Variants in PDZRN4 observed in about 807,000 individuals in gnomAD.
PDZRN4 encodes the protein PDZ domain containing ring finger 4, also known as PDZ domain-containing RING finger protein 4.
Under a neutral mutation model 99.0 loss-of-function variants are expected in PDZRN4, and 70 were observed. That is an observed-to-expected ratio of 0.71 (90% CI 0.58 to 0.86). PDZRN4 has a LOEUF of 0.86. Among genes scored for constraint, PDZRN4 ranks in the 40% least tolerant of loss-of-function variants. PDZRN4 has a pLI of 0.00. For synonymous variants in PDZRN4, 551 were observed against 501.6 expected (o/e 1.10, Z -1.32); for missense variants, 1,474 against 1,331.2 (o/e 1.11, Z -1.67).
intron 3 of PDZRN4, among the ~76,000 whole-genome samples, chr12:41,410,641 A>G (rs191475934): frequency 6.6e-6 from 1 of 152,268 alleles, no homozygotes; most frequent in Admixed American, 6.5e-5. Context: ...CAGGAGGAAG[A>G]ATGCTGCATT....
At chr12:41,280,851 G>A (rs1012894141) in intron 3 of PDZRN4, among the ~76,000 whole-genome samples, 1 of 152,178 alleles carries the variant, frequency 6.6e-6, no homozygotes, top group Non-Finnish European at 1.5e-5. Context: ...CCAGCACAGC[G>A]TTCCAGCTCT....
chr12:41,466,161 T>G (rs1952923086), intron 3 of PDZRN4, among the ~76,000 whole-genome samples: 1 of 152,136 alleles, frequency 6.6e-6, no homozygotes, highest in Admixed American at 6.6e-5. Context: ...CTGCCTATTG[T>G]GTAGGGAATC....
intron 3 of PDZRN4, among the ~76,000 whole-genome samples, chr12:41,401,558 C>T (rs564342162): frequency 3.2e-4 from 49 of 152,210 alleles, no homozygotes; most frequent in African/African-American, 1.0e-3. Context: ...CCTTTTTCAC[C>T]GATCCAGACT....
chr12:41,372,160 T>C (rs992673615), intron 3 of PDZRN4, among the ~76,000 whole-genome samples: 1 of 152,104 alleles, frequency 6.6e-6, no homozygotes, highest in African/African-American at 2.4e-5. Flanking sequence ...AAAAGAAAGA[T>C]AAGATCCTTC....
chr12:41,493,156 C>T (rs1013158915), intron 3 of PDZRN4, among the ~76,000 whole-genome samples: 2 of 152,136 alleles, frequency 1.3e-5, no homozygotes, highest in Non-Finnish European at 2.9e-5. Flanking sequence ...TGCACTTAAA[C>T]TGAAGTTATC....
chr12:41,379,199 C>A (rs1173024913), intron 3 of PDZRN4, among the ~76,000 whole-genome samples: 1 of 146,220 alleles, frequency 6.8e-6, no homozygotes, highest in Admixed American at 6.8e-5. Context: ...TCAGTTATAT[C>A]TCCTCTTTCA....
At chr12:41,520,063 T>C (rs1330501295) in intron 5 of PDZRN4, among the ~76,000 whole-genome samples, 1 of 152,162 alleles carries the variant, frequency 6.6e-6, no homozygotes, top group African/African-American at 2.4e-5. Flanking sequence ...CTTGCTTTCC[T>C]CTGCCTAGAA....
intron 3 of PDZRN4, among the ~76,000 whole-genome samples, chr12:41,330,552 C>T (rs578086402): frequency 1.3e-5 from 2 of 150,342 alleles, no homozygotes; most frequent in East Asian, 3.9e-4. Flanking sequence ...TTCCATAAAG[C>T]TCATGAGAAA....
intron 3 of PDZRN4, among the ~76,000 whole-genome samples, chr12:41,504,626 G>A (rs1040340733): frequency 3.9e-5 from 6 of 152,146 alleles, no homozygotes; most frequent in African/African-American, 1.4e-4. Context: ...CCTCAGGGGA[G>A]ACAGTAGTGG....
At chr12:41,306,084 TAAC>T (rs1348510499) in intron 3 of PDZRN4, among the ~76,000 whole-genome samples, 1 of 152,144 alleles carries the variant, frequency 6.6e-6, no homozygotes, top group African/African-American at 2.4e-5. Context: ...ACCTGAAACT[TAAC>T]AAGGCAAATT....
intron 3 of PDZRN4, among the ~76,000 whole-genome samples, chr12:41,207,140 CTT>C (rs1371924937): frequency 6.6e-6 from 1 of 151,872 alleles, no homozygotes; most frequent in Non-Finnish European, 1.5e-5. Flanking sequence ...CTTACACAAA[CTT>C]TCACTTAGAG....
intron 3 of PDZRN4, among the ~76,000 whole-genome samples, chr12:41,351,366 T>C (rs1318476752): frequency 2.0e-5 from 3 of 152,020 alleles, no homozygotes; most frequent in African/African-American, 7.2e-5. Flanking sequence ...TTCAGACATA[T>C]AAATAGATGA....
At chr12:41,369,020 T>G (rs1027769532) in intron 3 of PDZRN4, among the ~76,000 whole-genome samples, 1 of 152,164 alleles carries the variant, frequency 6.6e-6, no homozygotes, top group Non-Finnish European at 1.5e-5. Flanking sequence ...CTTTTCTTGC[T>G]AAAAAGTACT....
intron 3 of PDZRN4, among the ~76,000 whole-genome samples, chr12:41,242,288 T>C (rs551688100): frequency 2.6e-5 from 4 of 152,302 alleles, no homozygotes; most frequent in South Asian, 4.1e-4. Context: ...AACAGTTGAT[T>C]GATATGCTAA....
At chr12:41,435,920 T>C (rs1952625015) in intron 3 of PDZRN4, among the ~76,000 whole-genome samples, 1 of 152,214 alleles carries the variant, frequency 6.6e-6, no homozygotes, top group South Asian at 2.1e-4. Context: ...AACTCTAGCA[T>C]GAGAATACTT....
In PDZRN4 at chr12:41,541,653, C is replaced by T. The variant is rs532983262; in HGVS notation, c.1204-11003C>T. On this transcript the variant is annotated intron_variant, in intron 5 of 9. Transcript: ENST00000402685. ...TATTTTTAGTAGAGACGGGGTTTCA[C>T]CGTGTTAGCCAGGATGGTCTTGACC... Among the ~76,000 whole-genome samples the T allele has an allele frequency of 3.3e-5, 5 of 152,042 alleles. No individual in the cohort carries two copies. In the South Asian group the frequency reaches 1.0e-3, roughly 32 times the overall value.
chr12:41,517,730 T>C lies in PDZRN4; in HGVS notation c.1203+7817T>C, dbSNP rs376456390. On this transcript the variant is annotated intron_variant, in intron 5 of 9. Coordinates refer to ENST00000402685, the MANE Select transcript of PDZRN4 (RefSeq NM_001164595.2). The stretch of plus-strand genomic sequence containing the variant: ...ATATAAGCAAAGTGAGACAAATTCA[T>C]GGTCAAATCCTTAAAAACTTTTACG... Among the ~76,000 whole-genome samples the C allele has an allele frequency of 2.7e-3, 406 of 152,228 alleles. 2 individuals are homozygous for C. Among genetic ancestry groups the C allele is most frequent in the African/African-American group, 9.3e-3 (387 of 41,556 alleles).
At chr12:41,484,045 G>A (rs1328944989) in intron 3 of PDZRN4, among the ~76,000 whole-genome samples, 1 of 152,110 alleles carries the variant, frequency 6.6e-6, no homozygotes, top group East Asian at 1.9e-4. Flanking sequence ...GAGTTTGTGT[G>A]TAAGATTCTA....
At chr12:41,308,211 C>T (rs1337571873) in intron 3 of PDZRN4, among the ~76,000 whole-genome samples, 1 of 151,836 alleles carries the variant, frequency 6.6e-6, no homozygotes, top group East Asian at 1.9e-4. Context: ...TACTTCTGGC[C>T]TCATTGATAA....
Sources: allele counts gnomAD v4.1 joint callset (sites outside exome capture counted in the v4.1 genomes callset), GRCh38; gene constraint gnomAD v4.1.1; transcripts MANE v1.5; gene names NCBI Gene and HGNC (gene_info 2026-07-23, HGNC 2026-07-21).